Variants in NF1 observed in about 807,000 individuals in gnomAD.
NF1 encodes the protein neurofibromin.
A neutral mutation model predicts 325.7 loss-of-function variants in NF1; 122 were observed. The ratio of observed to expected loss-of-function variants is 0.37; its 90% CI spans 0.32 to 0.44. The LOEUF is 0.44. Among genes scored for constraint, NF1 ranks in the 20% least tolerant of loss-of-function variants. The pLI is 1.00. For missense variants in NF1, 2,140 were observed against 3,415.4 expected, an observed-to-expected ratio of 0.63 and a Z score of 9.31; for synonymous variants, 1,091 against 1,186.0, an observed-to-expected ratio of 0.92 and a Z score of 1.65.
chr17:31,368,056 T>C (rs947837888), intron 57 of NF1, among the ~76,000 whole-genome samples: 2 of 152,228 alleles, frequency 1.3e-5, no homozygotes, highest in African/African-American at 4.8e-5. Context: ...CCTTTTCTTT[T>C]ATTCACCTGT....
At chr17:31,191,531 A>G (rs1455759778) in intron 8 of NF1, among the ~76,000 whole-genome samples, 2 of 152,210 alleles carry the variant, frequency 1.3e-5, no homozygotes, top group African/African-American at 2.4e-5. Flanking sequence ...TCAAGAGATG[A>G]CATACTATAT....
rs864622598 is a variant in NF1, at chr17:31,336,922, C to G, written c.6427+8C>G. On this transcript the variant is annotated splice_region_variant and intron_variant, in intron 42 of 57. Coordinates refer to ENST00000358273, the MANE Select transcript of NF1 (RefSeq NM_001042492.3). This position sits in a 1 kb window ranked among gnomAD's most constrained non-coding sequence, Gnocchi z 5.5. Reference sequence around the variant, plus strand: ...CACAGCTTCATTTTAGTGGTAAGTTCTAGGAAAGGAATTTGTGTTTACCAG... The same window carrying G: ...CACAGCTTCATTTTAGTGGTAAGTTGTAGGAAAGGAATTTGTGTTTACCAG... 1 of 1,607,004 alleles carries G rather than the reference C, an allele frequency of 6.2e-7. No individual in the cohort carries two copies. Among genetic ancestry groups the G allele is most frequent in the Non-Finnish European group, 8.5e-7 (1 of 1,179,796 alleles).
intron 13 of NF1, among the ~76,000 whole-genome samples, chr17:31,217,398 G>A (rs1271106609): frequency 1.3e-5 from 2 of 151,012 alleles, no homozygotes; most frequent in Non-Finnish European, 2.9e-5. Flanking sequence ...TGCAACCTCC[G>A]CCTCCTGGGT....
intron 36 of NF1, among the ~76,000 whole-genome samples, chr17:31,323,963 T>A (rs2069279009): frequency 6.6e-6 from 1 of 152,262 alleles, no homozygotes; most frequent in Admixed American, 6.5e-5. Flanking sequence ...ACTTGTCATA[T>A]TTTTATCTTA....
At chr17:31,238,088 G>A (rs952645532) in intron 29 of NF1, among the ~76,000 whole-genome samples, 3 of 152,328 alleles carry the variant, frequency 2.0e-5, no homozygotes, top group East Asian at 1.9e-4. Flanking sequence ...GCTGGAGCCA[G>A]TAACTGGTAG....
rs1912177143 is a variant in NF1 at position 31,100,073 on chromosome 17, T to A, written c.60+4704T>A. ...AAATGATTTGTTGTAAATATGTTCA[T>A]TTAAAGCAATTATATTTTCCATATC... On this transcript the variant is annotated intron_variant, in intron 1 of 57. Transcript: ENST00000358273. 2.0e-5 allele frequency among the ~76,000 whole-genome samples: 3 copies of A among 151,412 alleles called. No individual in the cohort carries two copies. The South Asian group carries it at 6.2e-4, about 31-fold the overall frequency.
intron 5 of NF1, among the ~76,000 whole-genome samples, chr17:31,174,901 G>A (rs899207555): frequency 6.6e-6 from 1 of 152,114 alleles, no homozygotes; most frequent in African/African-American, 2.4e-5. Context: ...ATGAGGTCAG[G>A]AGTTCGAGAC....
At chr17:31,225,864 A>G (rs1456852778) in intron 17 of NF1, among the ~76,000 whole-genome samples, 1 of 152,232 alleles carries the variant, frequency 6.6e-6, no homozygotes, top group Non-Finnish European at 1.5e-5. Context: ...TTTTACTTGT[A>G]GAATTTGCAT....
intron 1 of NF1, among the ~76,000 whole-genome samples, chr17:31,107,438 A>C (rs1232751869): frequency 2.0e-5 from 3 of 151,964 alleles, no homozygotes; most frequent in African/African-American, 7.2e-5. Flanking sequence ...CTAGTTTTTA[A>C]ATTTTTTGTA....
rs553221158 is a variant in NF1, at chr17:31,325,582, C to T, written c.4836-238C>T. Among the ~76,000 whole-genome samples the T allele has an allele frequency of 4.6e-5, 7 of 152,262 alleles. No homozygotes were observed. The South Asian group carries it at 1.5e-3, about 32-fold the overall frequency. Reference sequence around the variant, plus strand: ...TTTTCTTCCTTTCTTGACTCATGGGCAAATTTTTTATTGTTGTCGTGGCTC... The same window carrying T: ...TTTTCTTCCTTTCTTGACTCATGGGTAAATTTTTTATTGTTGTCGTGGCTC... On this transcript the variant is annotated intron_variant, in intron 36 of 57. Transcript: ENST00000358273.
chr17:31,201,256 A>G, intron 10 of NF1, 97 bp downstream of exon 10: 2 of 1,531,246 alleles, frequency 1.3e-6, no homozygotes, highest in Non-Finnish European at 1.8e-6. Context: ...TTTTATCGGT[A>G]TTTCTCACTA....
Position 31,356,701 on chromosome 17 carries a change from A to G in NF1, c.7738+119A>G, listed in dbSNP as rs537736250. Reference sequence around the variant, plus strand: ...AGAGTGAAATATAGAAACGTTTGCCATTTCTCAAAAGATAAACTCTACCAT... The same window carrying G: ...AGAGTGAAATATAGAAACGTTTGCCGTTTCTCAAAAGATAAACTCTACCAT... On this transcript the variant is annotated intron_variant, in intron 52 of 57. Coordinates refer to ENST00000358273, the MANE Select transcript of NF1 (RefSeq NM_001042492.3). 7.8e-6 allele frequency: 11 copies of G among 1,418,266 alleles called. No individual in the cohort carries two copies. In the Admixed American group the frequency reaches 8.6e-5, roughly 11 times the overall value. 87.9% of individuals were successfully genotyped at this position (1,418,266 alleles called of 1,614,324 possible).
chr17:31,352,843 G>T (rs17882112), intron 51 of NF1, among the ~76,000 whole-genome samples: 1 of 152,100 alleles, frequency 6.6e-6, no homozygotes, highest in Non-Finnish European at 1.5e-5. Context: ...ACTATTTGCC[G>T]TGCTTTCTTT....
At chr17:31,277,424 T>G (rs918943339) in intron 36 of NF1, among the ~76,000 whole-genome samples, 2 of 152,152 alleles carry the variant, frequency 1.3e-5, no homozygotes, top group African/African-American at 2.4e-5. Context: ...TTAAGAGAAA[T>G]TAACTTTTGT....
rs1555615580 is a variant in NF1 at position 31,236,058 on chromosome 17, T to TG, written c.3974+37_3974+38insG. 0.46 allele frequency: 506,384 copies of TG among 1,107,666 alleles called. 94,677 individuals carry two copies. The highest frequency in any genetic ancestry group is 0.73 in the African/African-American group (51,355 of 70,562). The allele number at this position is 1,107,666 out of a possible 1,614,324, so 68.6% of individuals were successfully genotyped here. On this transcript the variant is annotated intron_variant, in intron 29 of 57. Transcript: ENST00000358273. ...TTTCACATAGAACCGCTGTTTTTTG[T>TG]TTTTTTTTTTTTGTTTGTTTGTTTT... is the stretch of plus-strand genomic sequence containing the variant.
chr17:31,160,326 G>C (rs1274337850), intron 3 of NF1, among the ~76,000 whole-genome samples: 2 of 152,132 alleles, frequency 1.3e-5, no homozygotes, highest in African/African-American at 4.8e-5. Context: ...ATCCTCAAGT[G>C]ATCCGCCCAT....
chr17:31,172,351 G>GTCTCTCTC (rs968759244), intron 5 of NF1, among the ~76,000 whole-genome samples: 12 of 39,398 alleles, frequency 3.0e-4, no homozygotes, highest in East Asian at 9.6e-4. Flanking sequence ...CTGTCTCTCT[G>GTCTCTCTC]TCTCTCTCTC....
At chr17:31,299,800 CT>C (rs1290687169) in intron 36 of NF1, among the ~76,000 whole-genome samples, 3 of 152,018 alleles carry the variant, frequency 2.0e-5, no homozygotes, top group Non-Finnish European at 2.9e-5. Flanking sequence ...CTCCCTACTC[CT>C]TTTTTTCTTT....
chr17:31,268,984 A>G (rs1252946577), intron 36 of NF1, among the ~76,000 whole-genome samples: 1 of 151,410 alleles, frequency 6.6e-6, no homozygotes, highest in Non-Finnish European at 1.5e-5. Context: ...GGAATTACAG[A>G]TGTGAGCCAC....
Sources: gnomAD v4.1 joint callset for allele counts (sites outside exome capture counted in the v4.1 genomes callset) on GRCh38, gnomAD v4.1.1 for gene constraint, Gnocchi (gnomAD v3.1) non-coding constraint, MANE v1.5 for transcripts, NCBI Gene and HGNC (gene_info 2026-07-23, HGNC 2026-07-21) for gene names.